GSE1: variants seen among roughly 807,000 people sequenced by gnomAD.
The protein encoded by GSE1 is Gse1 coiled-coil protein.
GSE1 carries 32 observed loss-of-function variants against 112.6 expected under a neutral mutation model. The observed-to-expected ratio is 0.28, with a 90% confidence interval of 0.21 to 0.38. The LOEUF is 0.38. GSE1 is among the 10% of genes least tolerant of loss of function. GSE1 has a pLI of 1.00. For missense variants in GSE1, 2,348 were observed against 1,699.2 expected (o/e 1.38, Z -6.71); for synonymous variants, 1,115 against 735.6 (o/e 1.52, Z -8.35).
At chr16:85,194,620 T>A (rs1367177575) in intron 1 of GSE1, among the ~76,000 whole-genome samples, 1 of 152,228 alleles carries the variant, frequency 6.6e-6, no homozygotes, top group Middle Eastern at 3.4e-3. Flanking sequence ...GGATTTTTTT[T>A]CCCCCTTGCT....
At chr16:85,431,755 G>A (rs1233036173) in intron 2 of GSE1, among the ~76,000 whole-genome samples, 1 of 152,190 alleles carries the variant, frequency 6.6e-6, no homozygotes, top group African/African-American at 2.4e-5. Flanking sequence ...GGGTATCTGG[G>A]CCGCCTTGCC....
chr16:85,203,599 A>G (rs1303330633), intron 1 of GSE1, among the ~76,000 whole-genome samples: 1 of 152,182 alleles, frequency 6.6e-6, no homozygotes, highest in African/African-American at 2.4e-5. Context: ...ACCCCACTCT[A>G]CAGATAGGCA....
At chr16:85,614,831 C>T (rs952421251) in intron 1 of GSE1, among the ~76,000 whole-genome samples, 1 of 152,194 alleles carries the variant, frequency 6.6e-6, no homozygotes, top group African/African-American at 2.4e-5. Context: ...AAACAAAAAG[C>T]GGGGCCACCA....
At chr16:85,505,955 A>C (rs1597990198) in intron 2 of GSE1, among the ~76,000 whole-genome samples, 3 of 148,556 alleles carry the variant, frequency 2.0e-5, no homozygotes, top group Admixed American at 6.7e-5. Context: ...CCTGGGGGAG[A>C]CCCTGTCTCC....
chr16:85,586,841 C>G (rs1445816673), intron 1 of GSE1, among the ~76,000 whole-genome samples: 1 of 152,244 alleles, frequency 6.6e-6, no homozygotes, highest in Admixed American at 6.5e-5. Flanking sequence ...TCCCCCAGCT[C>G]AGGCGAGCTC....
chr16:85,485,219 G>T (rs1487225451), intron 2 of GSE1, among the ~76,000 whole-genome samples: 4 of 152,232 alleles, frequency 2.6e-5, no homozygotes, highest in African/African-American at 7.2e-5. Flanking sequence ...GCACCCCAGG[G>T]CCACCCACTC....
chr16:85,461,414 G>A (rs977843347), intron 2 of GSE1, among the ~76,000 whole-genome samples: 2 of 152,098 alleles, frequency 1.3e-5, no homozygotes, highest in African/African-American at 4.8e-5. Context: ...CCTTGGCTGC[G>A]CACTGGAAGC....
Position 85,445,358 on chromosome 16 carries a change from G to A in GSE1, c.2464+87715G>A, listed in dbSNP as rs570405213. On this transcript the variant is annotated intron_variant, in intron 2 of 2. Transcript: ENST00000637419. ...CCCCACTCTGCAAAGGAGGCAGACC[G>A]TGAACATGGGGGGCGGGAGAGGCTG... Among the ~76,000 whole-genome samples, 372 of 152,346 alleles carry A rather than the reference G, an allele frequency of 2.4e-3. 1 individual carries two copies. Among genetic ancestry groups the A allele is most frequent in the African/African-American group, 8.3e-3 (347 of 41,578 alleles).
chr16:85,242,260 G>A (rs2143939600), intron 1 of GSE1, among the ~76,000 whole-genome samples: 1 of 152,228 alleles, frequency 6.6e-6, no homozygotes, highest in Non-Finnish European at 1.5e-5. Flanking sequence ...CAGCCCCCCT[G>A]CAAGCAGCCG....
At chr16:85,331,934 T>C (rs1354372366) in intron 1 of GSE1, among the ~76,000 whole-genome samples, 1 of 152,012 alleles carries the variant, frequency 6.6e-6, no homozygotes, top group East Asian at 1.9e-4. Context: ...AATGAGCGCA[T>C]GCAGCCTTGG....
Position 85,270,452 on chromosome 16 carries a change from C to T in GSE1, c.2284-87011C>T, listed in dbSNP as rs1027999161. 1.0e-4 allele frequency among the ~76,000 whole-genome samples: 15 copies of T among 149,214 alleles called. 1 individual carries two copies. The highest frequency in any genetic ancestry group is 3.4e-4 in the African/African-American group (14 of 41,290). The stretch of plus-strand genomic sequence containing the variant: ...TCTCCGAGGACACAGCCCCTGTAGA[C>T]ATTCGGCACAGCAAGCCTGGGATGC... On this transcript the variant is annotated intron_variant, in intron 1 of 2. Coordinates refer to the GSE1 transcript ENST00000637419.
chr16:85,589,124 G>A (rs1293132402), intron 1 of GSE1, among the ~76,000 whole-genome samples: 3 of 151,798 alleles, frequency 2.0e-5, no homozygotes, highest in African/African-American at 7.3e-5. Flanking sequence ...CCTCCTCTCT[G>A]CCCAGCTGGG....
chr16:85,611,509 C>G (rs1399825090), upstream of GSE1: 7 of 981,774 alleles, frequency 7.1e-6, no homozygotes, highest in Non-Finnish European at 8.5e-6. Flanking sequence ...CCGCGCCGTG[C>G]CAGGGCCGGC....
chr16:85,179,188 C>T (rs1316770737), intron 1 of GSE1, among the ~76,000 whole-genome samples: 1 of 152,162 alleles, frequency 6.6e-6, no homozygotes, highest in East Asian at 1.9e-4. Flanking sequence ...CCCTGGCACC[C>T]ACTCGTCTGC....
rs763139719 is a variant in GSE1 at position 85,668,430 on chromosome 16, G to A, written c.3415+6G>A. ...TTACCAGGAACACATAGAAGGTAAG[G>A]GGGTGCTGGGGAAGAGGGGGGAGGG... On this transcript the variant is annotated splice_donor_region_variant and intron_variant, in intron 14 of 15. Coordinates refer to ENST00000253458, the MANE Select transcript of GSE1 (RefSeq NM_014615.5). The A allele has an allele frequency of 4.4e-6, 7 of 1,581,572 alleles. No homozygotes were observed. The highest frequency in any genetic ancestry group is 1.7e-5 in the Admixed American group (1 of 59,346).
At chr16:85,440,726 AC>A (rs1163479225) in intron 2 of GSE1, among the ~76,000 whole-genome samples, 6 of 152,102 alleles carry the variant, frequency 3.9e-5, no homozygotes, top group African/African-American at 1.4e-4. Flanking sequence ...AGGAACCATC[AC>A]GGGGGCACAG....
chr16:85,193,718 C>G (rs1470492661), intron 1 of GSE1, among the ~76,000 whole-genome samples: 1 of 152,198 alleles, frequency 6.6e-6, no homozygotes, highest in Non-Finnish European at 1.5e-5. Flanking sequence ...CTCAGCCTCC[C>G]AAAGTGCTGG....
intron 2 of GSE1, among the ~76,000 whole-genome samples, chr16:85,477,550 C>T (rs138600282): frequency 3.1e-4 from 46 of 146,410 alleles, no homozygotes; most frequent in Non-Finnish European, 6.0e-4. Context: ...AGAAAAAGGT[C>T]TTAGGTTTTT....
chr16:85,665,659 C>T lies in GSE1; in HGVS notation c.2759-317C>T, dbSNP rs140601559. ...GGAATCTTTACAGTGCGTCCCAGTC[C>T]TCGGCCCCTCACACACTCTCTTGTC... On this transcript the variant is annotated intron_variant, in intron 12 of 15. Transcript: ENST00000253458. 4.5e-3 allele frequency among the ~76,000 whole-genome samples: 688 copies of T among 152,348 alleles called. 4 individuals carry two copies. The highest frequency in any genetic ancestry group is 0.015 in the African/African-American group (644 of 41,574).
Sources: gnomAD v4.1 joint callset for allele counts (sites outside exome capture counted in the v4.1 genomes callset) on GRCh38, gnomAD v4.1.1 for gene constraint, MANE v1.5 for transcripts, NCBI Gene and HGNC (gene_info 2026-07-23, HGNC 2026-07-21) for gene names.